ANKRD42: variants seen among roughly 807,000 people sequenced by gnomAD.
ANKRD42 encodes ankyrin repeat domain 42.
In ANKRD42, 43 loss-of-function variants were observed where a neutral mutation model predicts 51.5. The observed-to-expected ratio is 0.83, with a 90% confidence interval of 0.65 to 1.08. The LOEUF is 1.08. Among genes scored for constraint, ANKRD42 ranks in the 50% least tolerant of loss-of-function variants. The probability of loss-of-function intolerance (pLI) is 0.00; values close to 1 mark genes in which losing one functional copy is unlikely to be tolerated. For synonymous variants in ANKRD42, 203 were observed against 213.0 expected, an observed-to-expected ratio of 0.95 and a Z score of 0.41; for missense variants, 608 against 629.3, an observed-to-expected ratio of 0.97 and a Z score of 0.36.
intron 5 of ANKRD42, among the ~76,000 whole-genome samples, chr11:83,219,530 A>G (rs911328114): frequency 1.3e-5 from 2 of 152,182 alleles, no homozygotes; most frequent in African/African-American, 4.8e-5. Context: ...GGGCCAAGAG[A>G]ACAGCTGCTG....
At position 83,193,798 on chromosome 11, in the gene ANKRD42, G is replaced by C. The variant is rs1372487298; in HGVS notation, c.-873G>C. ...GGAAAGAGACTCCGAGAAAGTACCA[G>C]CGGAAGGCGGCCGCCGCTACGGCGA... On this transcript the variant is annotated 5_prime_UTR_variant, in exon 1 of 11. Coordinates refer to ENST00000533342, the MANE Select transcript of ANKRD42 (RefSeq NM_001300975.2). 6.6e-6 allele frequency: 3 copies of C among 454,550 alleles called. No homozygotes were observed. The highest frequency in any genetic ancestry group is 1.6e-5 in the South Asian group (1 of 64,456). The allele number at this position is 454,550 out of a possible 1,614,324, so 28.2% of individuals were successfully genotyped here.
At chr11:83,224,018 G>A (rs1033950102) in intron 5 of ANKRD42, among the ~76,000 whole-genome samples, 2 of 150,500 alleles carry the variant, frequency 1.3e-5, no homozygotes, top group African/African-American at 4.9e-5. Context: ...TTTCTTTCAG[G>A]GATTCCTTAA....
Position 83,224,974 on chromosome 11 carries a change from G to A in ANKRD42, c.706G>A (p.Ala236Thr). ...NDNGENVLDL[A>T]QRFFKQNILQ... is the part of the protein sequence containing the mutation. ...TAATGGAGAAAATGTACTGGATTTG[G>A]CCCAGAGGTTCTTCAAGCAGAACAT... The change falls in exon 6 of 11, where the codon GCC (alanine) becomes ACC (threonine). Residue 236 changes from alanine to threonine, a missense_variant. By Grantham distance (58) the Ala-to-Thr change is moderately conservative (BLOSUM62 0). Coordinates refer to ENST00000533342, the MANE Select transcript of ANKRD42 (RefSeq NM_001300975.2). 1 of 1,613,632 alleles carries A rather than the reference G, an allele frequency of 6.2e-7. No homozygotes were observed. The highest frequency in any genetic ancestry group is 8.5e-7 in the Non-Finnish European group (1 of 1,179,680).
At position 83,193,933 on chromosome 11, in the gene ANKRD42, G is replaced by C. The variant is rs1266202643; in HGVS notation, c.-738G>C. On this transcript the variant is annotated 5_prime_UTR_variant, in exon 1 of 11. Coordinates refer to ENST00000533342, the MANE Select transcript of ANKRD42 (RefSeq NM_001300975.2). ...CGCCGAGTCTAGGGAAAGAGTTAGC[G>C]ACGACGGGGAAAGAAAATGTGAAGA... is the stretch of plus-strand genomic sequence containing the variant. The C allele has an allele frequency of 4.4e-6, 2 of 455,798 alleles. No individual in the cohort carries two copies. The highest frequency in any genetic ancestry group is 2.4e-5 in the Admixed American group (1 of 42,524). The allele number at this position is 455,798 out of a possible 1,614,324, so 28.2% of individuals were successfully genotyped here.
chr11:83,232,134 A>C (rs1159938318), intron 7 of ANKRD42, among the ~76,000 whole-genome samples: 1 of 148,224 alleles, frequency 6.7e-6, no homozygotes, highest in Non-Finnish European at 1.5e-5. Context: ...TCCGTGCAGA[A>C]TGTCATTGGT....
At chr11:83,212,006 T>G (rs1344730210) in intron 5 of ANKRD42, among the ~76,000 whole-genome samples, 1 of 152,142 alleles carries the variant, frequency 6.6e-6, no homozygotes, top group African/African-American at 2.4e-5. Context: ...TGCCAGCTCT[T>G]TCCTTCATCT....
At chr11:83,225,564 C>CAA (rs34199371) in intron 6 of ANKRD42, among the ~76,000 whole-genome samples, 136 of 136,278 alleles carry the variant, frequency 1.0e-3, no homozygotes, top group Middle Eastern at 3.6e-3. Context: ...GACCCTGTCT[C>CAA]AAAAAAAAAA....
At chr11:83,239,931 C>A (rs573053) in intron 8 of ANKRD42, among the ~76,000 whole-genome samples, 108,335 of 152,096 alleles carry the variant, frequency 0.71, 39,341 homozygotes, top group African/African-American at 0.84. Flanking sequence ...ACAACCTAGT[C>A]GTAGACTTAA....
chr11:83,211,481 A>G, intron 5 of ANKRD42, 51 bp downstream of exon 5: 1 of 1,586,326 alleles, frequency 6.3e-7, no homozygotes, highest in Non-Finnish European at 8.6e-7. Context: ...TAAACTTTTA[A>G]ATGTTTGATC....
intron 2 of ANKRD42, among the ~76,000 whole-genome samples, chr11:83,205,760 C>A (rs576586512): frequency 6.6e-6 from 1 of 152,156 alleles, no homozygotes; most frequent in African/African-American, 2.4e-5. Context: ...AGAATATTTA[C>A]AAACATTGGA....
Position 83,225,060 on chromosome 11 carries a change from G to C in ANKRD42, c.787+5G>C. The C allele has an allele frequency of 6.2e-7, 1 of 1,606,834 alleles. No individual in the cohort carries two copies. The highest frequency in any genetic ancestry group is 8.5e-7 in the Non-Finnish European group (1 of 1,174,548). On this transcript the variant is annotated splice_donor_5th_base_variant and intron_variant, in intron 6 of 10. Coordinates refer to ENST00000533342, the MANE Select transcript of ANKRD42 (RefSeq NM_001300975.2). ...AAGACCTAGAGGATCAGGAAAGTAA[G>C]TAATTAAGTTATATGTTCTAGCATA...
At chr11:83,198,457 A>G (rs764757828) in intron 1 of ANKRD42, 22 bp from the exon 2 acceptor site, 19 of 1,598,040 alleles carry the variant, frequency 1.2e-5, no homozygotes, top group Non-Finnish European at 1.5e-5. Flanking sequence ...AGTACATTGT[A>G]AGTAATTTGA....
At chr11:83,215,095 A>G (rs1458911615) in intron 5 of ANKRD42, 4 of 152,172 alleles carry the variant, frequency 2.6e-5, no homozygotes, top group African/African-American at 7.2e-5. Context: ...TTCGTTGTGA[A>G]TATACATTAC....
downstream of ANKRD42, among the ~76,000 whole-genome samples, chr11:83,258,028 G>A (rs1863803624): frequency 6.6e-6 from 1 of 152,180 alleles, no homozygotes; most frequent in Non-Finnish European, 1.5e-5. Flanking sequence ...TGGCTATAAT[G>A]CCACCTCTTG....
At chr11:83,199,605 C>G (rs1849665674) in intron 2 of ANKRD42, among the ~76,000 whole-genome samples, 1 of 152,214 alleles carries the variant, frequency 6.6e-6, no homozygotes, top group East Asian at 1.9e-4. Context: ...CAAATCTGAT[C>G]CTTGGGCTCT....
chr11:83,222,344 G>A (rs1484482947), intron 5 of ANKRD42, among the ~76,000 whole-genome samples: 2 of 152,174 alleles, frequency 1.3e-5, no homozygotes, highest in South Asian at 4.1e-4. Flanking sequence ...TTGGGGTGCT[G>A]GAGATATTAC....
chr11:83,236,348 A>G, intron 7 of ANKRD42, 56 bp from the exon 8 acceptor site: 9 of 1,450,122 alleles, frequency 6.2e-6, no homozygotes, highest in Non-Finnish European at 8.4e-6. Flanking sequence ...GAAAATTGTT[A>G]CTAATAACTA....
At chr11:83,230,238 A>G (rs899657750) in intron 7 of ANKRD42, among the ~76,000 whole-genome samples, 4 of 152,048 alleles carry the variant, frequency 2.6e-5, no homozygotes, top group African/African-American at 9.7e-5. Flanking sequence ...TTGTTTGTAG[A>G]GACAGAGTTT....
At chr11:83,195,879 C>T (rs1183796004) in intron 1 of ANKRD42, among the ~76,000 whole-genome samples, 2 of 145,144 alleles carry the variant, frequency 1.4e-5, no homozygotes, top group East Asian at 4.0e-4. Flanking sequence ...GAGTCTTGCT[C>T]TGTCCCCCAT....
Sources: gnomAD v4.1 joint callset for allele counts (sites outside exome capture counted in the v4.1 genomes callset) on GRCh38, gnomAD v4.1.1 for gene constraint, MANE v1.5 for transcripts, NCBI Gene and HGNC (gene_info 2026-07-23, HGNC 2026-07-21) for gene names.